Variants in ANKS1A observed in about 807,000 individuals in gnomAD.
ANKS1A encodes ankyrin repeat and SAM domain-containing protein 1A.
In ANKS1A, 55 loss-of-function variants were observed where a neutral mutation model predicts 120.3. The ratio of observed to expected loss-of-function variants is 0.46; its 90% confidence interval spans 0.37 to 0.57. ANKS1A has a LOEUF of 0.57. Ranked by LOEUF, ANKS1A falls within the 20% of genes least tolerant of loss-of-function variation. The pLI, the probability that ANKS1A is intolerant of heterozygous loss-of-function variation, is 0.00. For synonymous variants in ANKS1A, 590 were observed against 604.7 expected (o/e 0.98, Z 0.36); for missense variants, 1,123 against 1,480.3 (o/e 0.76, Z 3.96).
intron 10 of ANKS1A, among the ~76,000 whole-genome samples, chr6:35,006,915 C>T (rs1031032830): frequency 6.6e-5 from 10 of 151,974 alleles, no homozygotes; most frequent in Admixed American, 4.6e-4. Context: ...GATGCAGAGA[C>T]GGGAGGATAG....
intron 1 of ANKS1A, among the ~76,000 whole-genome samples, chr6:34,952,979 G>A (rs1323689742): frequency 6.6e-6 from 1 of 152,084 alleles, no homozygotes; most frequent in Admixed American, 6.5e-5. Flanking sequence ...CAAAGTGCTG[G>A]GATTACAGGC....
At chr6:35,009,894 ACT>A (rs755306042) in intron 10 of ANKS1A, 1 of 188,364 alleles carries the variant, frequency 5.3e-6, no homozygotes, top group South Asian at 5.8e-5. Context: ...CACGAGCAAG[ACT>A]CTGTCTAAAA....
At chr6:34,958,607 G>A (rs924034192) in intron 1 of ANKS1A, among the ~76,000 whole-genome samples, 25 of 152,252 alleles carry the variant, frequency 1.6e-4, no homozygotes, top group South Asian at 4.1e-4. Context: ...ATTATTCCCC[G>A]CTTGAATCTC....
intron 11 of ANKS1A, among the ~76,000 whole-genome samples, chr6:35,024,642 C>T (rs1260016027): frequency 6.6e-6 from 1 of 152,162 alleles, no homozygotes; most frequent in Non-Finnish European, 1.5e-5. Flanking sequence ...ACCCTTGGCT[C>T]TTGAATCCTT....
Position 34,951,265 on chromosome 6 carries a change from C to T in ANKS1A, c.198-15974C>T, listed in dbSNP as rs181464415. 4.8e-3 allele frequency among the ~76,000 whole-genome samples: 736 copies of T among 151,760 alleles called. 5 individuals carry two copies. The highest frequency in any genetic ancestry group is 8.5e-3 in the Admixed American group (130 of 15,256). ...TTTTATATTTTAAATTATTTATGTTCATTACTTTAAATTATATTATAAATT... is the reference window on the plus strand; with the variant it reads ...TTTTATATTTTAAATTATTTATGTTTATTACTTTAAATTATATTATAAATT... On this transcript the variant is annotated intron_variant, in intron 1 of 23. Coordinates refer to ENST00000360359, the MANE Select transcript of ANKS1A (RefSeq NM_015245.3).
chr6:34,980,569 T>A (rs1160865848), intron 3 of ANKS1A, among the ~76,000 whole-genome samples: 1 of 152,240 alleles, frequency 6.6e-6, no homozygotes, highest in Non-Finnish European at 1.5e-5. Flanking sequence ...ATTTTGACCT[T>A]TTGACCACTG....
Position 35,086,288 on chromosome 6 carries a change from A to T in ANKS1A, c.3303+352A>T, listed in dbSNP as rs1201686893. On this transcript the variant is annotated intron_variant, in intron 22 of 23. Transcript: ENST00000360359. This position sits in a 1 kb window ranked among gnomAD's most constrained non-coding sequence, Gnocchi z 5.1. ...ACCCCAGGTGCCGCTGCCCCCCGATAGTCGCTGTTGTTACTGTCACACCTG... is the reference window on the plus strand; with the variant it reads ...ACCCCAGGTGCCGCTGCCCCCCGATTGTCGCTGTTGTTACTGTCACACCTG... 7.6e-7 allele frequency: 1 copy of T among 1,319,484 alleles called. No homozygotes were observed. 81.7% of individuals were successfully genotyped at this position (1,319,484 alleles called of 1,614,324 possible).
Position 34,982,858 on chromosome 6 carries a change from A to G in ANKS1A, c.808+31A>G, listed in dbSNP as rs1196302325. On this transcript the variant is annotated intron_variant, in intron 5 of 23. Coordinates refer to ENST00000360359, the MANE Select transcript of ANKS1A (RefSeq NM_015245.3). The surrounding 1 kb of genome is among the most constrained non-coding windows in gnomAD (Gnocchi z 4.9). ...AGGTCGGCAGCGCTCTTGTCTACAC[A>G]GCGTGCCAGGGTTGGGATTGTTTCT... The G allele has an allele frequency of 5.6e-6, 9 of 1,613,980 alleles. No individual in the cohort carries two copies. The highest frequency in any genetic ancestry group is 1.7e-4 in the Middle Eastern group (1 of 6,050).
chr6:35,005,459 C>T (rs1773400247), intron 10 of ANKS1A, among the ~76,000 whole-genome samples: 1 of 152,154 alleles, frequency 6.6e-6, no homozygotes, highest in African/African-American at 2.4e-5. Context: ...AAGTAGTACT[C>T]AGAGGAAAGT....
At chr6:34,907,751 G>C (rs1767711213) in intron 1 of ANKS1A, among the ~76,000 whole-genome samples, 1 of 152,212 alleles carries the variant, frequency 6.6e-6, no homozygotes, top group Non-Finnish European at 1.5e-5. Flanking sequence ...AAGCTGCCTG[G>C]TTTCATATCT....
At chr6:34,901,373 G>A (rs941826100) in intron 1 of ANKS1A, among the ~76,000 whole-genome samples, 3 of 152,164 alleles carry the variant, frequency 2.0e-5, no homozygotes, top group African/African-American at 7.2e-5. Context: ...CTAGGATTAT[G>A]GGATGGGAAA....
rs1777999898 is a variant in ANKS1A, at chr6:35,086,610, G to C, written c.3304-342G>C. Among the ~76,000 whole-genome samples the C allele has an allele frequency of 6.6e-6, 1 of 152,080 alleles. No homozygotes were observed. Among genetic ancestry groups the C allele is most frequent in the Admixed American group, 6.5e-5 (1 of 15,270 alleles). On this transcript the variant is annotated intron_variant, in intron 22 of 23. Coordinates refer to ENST00000360359, the MANE Select transcript of ANKS1A (RefSeq NM_015245.3). The surrounding 1 kb of genome is among the most constrained non-coding windows in gnomAD (Gnocchi z 5.1). ...GTGAGCTCTCTGGGCCTACCAGAGA[G>C]ACCCGAGGCTGGACATTTGCAAGCC...
At chr6:35,077,751 A>C (rs1777445830) in intron 13 of ANKS1A, among the ~76,000 whole-genome samples, 1 of 152,188 alleles carries the variant, frequency 6.6e-6, no homozygotes, top group African/African-American at 2.4e-5. Context: ...GATGTCAAGA[A>C]ATTTCTGACC....
chr6:35,019,839 T>TA (rs1469108599), intron 11 of ANKS1A, among the ~76,000 whole-genome samples: 1 of 151,942 alleles, frequency 6.6e-6, no homozygotes, highest in African/African-American at 2.4e-5. Context: ...CTGAGATTTT[T>TA]AAAAAATCAG....
At chr6:34,958,298 C>T (rs1770466531) in intron 1 of ANKS1A, among the ~76,000 whole-genome samples, 2 of 152,214 alleles carry the variant, frequency 1.3e-5, no homozygotes, top group East Asian at 3.8e-4. Context: ...CGCCAGTGCA[C>T]CCCAACCTGC....
At chr6:34,960,695 A>T (rs780462750) in intron 1 of ANKS1A, among the ~76,000 whole-genome samples, 39 of 152,172 alleles carry the variant, frequency 2.6e-4, no homozygotes, top group Admixed American at 4.6e-4. Flanking sequence ...ATCCCAAAAC[A>T]TAGGTGCCGC....
intron 10 of ANKS1A, chr6:35,005,944 T>C (rs1056696603): frequency 7.2e-6 from 2 of 276,488 alleles, no homozygotes; most frequent in African/African-American, 4.7e-5. Flanking sequence ...ATCCCAGCAC[T>C]TTGGGAGGCC....
At chr6:34,893,201 C>G (rs924433964) in intron 1 of ANKS1A, among the ~76,000 whole-genome samples, 1 of 152,194 alleles carries the variant, frequency 6.6e-6, no homozygotes, top group Admixed American at 6.5e-5. Context: ...ACCATAATTC[C>G]TGGCATATTC....
Position 35,078,609 on chromosome 6 carries a change from C to T in ANKS1A, c.2236C>T (p.Pro746Ser), listed in dbSNP as rs1420563291. 3.1e-6 allele frequency: 5 copies of T among 1,607,492 alleles called. No individual in the cohort carries two copies. Among genetic ancestry groups the T allele is most frequent in the Non-Finnish European group, 4.2e-6 (5 of 1,179,936 alleles). ...QDLRDIGISDPQHRRKLLQAA... is the reference protein window; with the variant it reads ...QDLRDIGISDSQHRRKLLQAA... ...CCTGCGGGACATCGGCATCAGCGAC[C>T]CACAGCACCGGCGGAAGCTGCTCCA... Residue 746 changes from proline to serine, a missense_variant, in exon 14 of 24, where the codon CCA (proline) becomes TCA (serine). By Grantham distance (74) the Pro-to-Ser change is moderately conservative. This residue lies in a region of ANKS1A where 904 missense variants were observed against 1,130.4 expected (regional missense o/e 0.80). Transcript: ENST00000360359.
Sources: gnomAD v4.1 joint callset for allele counts (sites outside exome capture counted in the v4.1 genomes callset) on GRCh38, gnomAD v4.1.1 for gene constraint, gnomAD v4.1.1 regional missense constraint, Gnocchi (gnomAD v3.1) non-coding constraint, MANE v1.5 for transcripts, NCBI Gene and HGNC (gene_info 2026-07-23, HGNC 2026-07-21) for gene names.